The following ZW10 variants were observed in gnomAD, a reference collection of about 807,000 sequenced individuals.
ZW10 encodes the protein zw10 kinetochore protein, also known as centromere/kinetochore protein zw10 homolog.
A neutral mutation model predicts 87.8 loss-of-function variants in ZW10; 53 were observed. The ratio of observed to expected loss-of-function variants is 0.60; its 90% CI spans 0.48 to 0.76. ZW10 has a LOEUF of 0.76. ZW10 is among the 30% of genes least tolerant of loss of function. The pLI is 0.00. For synonymous variants in ZW10, 312 were observed against 329.2 expected, an observed-to-expected ratio of 0.95 and a Z score of 0.57; for missense variants, 837 against 923.0, an observed-to-expected ratio of 0.91 and a Z score of 1.21.
At chr11:113,747,777 T>G (rs1953696207) in intron 8 of ZW10, 64 bp from the exon 9 acceptor site, 2 of 1,346,952 alleles carry the variant, frequency 1.5e-6, no homozygotes, top group South Asian at 3.3e-5. Flanking sequence ...ATATTAGAAT[T>G]TCAAATCCAA....
In ZW10 at chr11:113,760,893, G is replaced by C; in HGVS notation, c.266C>G (p.Thr89Ser). 1 of 1,614,038 alleles carries C rather than the reference G, an allele frequency of 6.2e-7. No homozygotes were observed. The highest frequency in any genetic ancestry group is 8.5e-7 in the Non-Finnish European group (1 of 1,180,002). ...CTGCTTTAAGTCTGTAAATTCACCG[G>C]TTGATACGTGAAGATCCCGGCGGAC... ...SEVRRDLHVS[T>S]GEFTDLKQQL... The change falls in exon 3 of 16, where the codon ACC becomes AGC. Residue 89 changes from threonine to serine, a missense_variant. Coordinates refer to ENST00000200135, the MANE Select transcript of ZW10 (RefSeq NM_004724.4).
chr11:113,757,165 A>G (rs1055842622), intron 7 of ZW10, among the ~76,000 whole-genome samples: 6 of 152,166 alleles, frequency 3.9e-5, no homozygotes, highest in African/African-American at 1.4e-4. Flanking sequence ...TGGTACAACA[A>G]CCAAAAACAT....
intron 2 of ZW10, among the ~76,000 whole-genome samples, chr11:113,765,156 G>C (rs915997215): frequency 6.6e-6 from 1 of 152,222 alleles, no homozygotes; most frequent in South Asian, 2.1e-4. Context: ...AACATCAATA[G>C]TGACAAGGGT....
intron 9 of ZW10, among the ~76,000 whole-genome samples, chr11:113,746,723 T>C (rs1331775379): frequency 6.6e-6 from 1 of 152,194 alleles, no homozygotes; most frequent in Non-Finnish European, 1.5e-5. Flanking sequence ...GAATATTCCA[T>C]GCAGAGGTAA....
chr11:113,733,375 A>G lies in ZW10; in HGVS notation c.*319T>C, dbSNP rs907446835. 23 of 226,932 alleles carry G rather than the reference A, an allele frequency of 1.0e-4. No individual in the cohort carries two copies. The highest frequency in any genetic ancestry group is 6.4e-4 in the Admixed American group (12 of 18,610). The allele number at this position is 226,932 out of a possible 1,614,324, so 14.1% of individuals were successfully genotyped here. ...TCCTCGTTCCAAAGCTAGGGCCTGC[A>G]TTTACAATGTATATAGCTCCCAGAG... On this transcript the variant is annotated 3_prime_UTR_variant, in exon 16 of 16. Coordinates refer to ENST00000200135, the MANE Select transcript of ZW10 (RefSeq NM_004724.4).
chr11:113,746,708 G>C (rs77466658), intron 9 of ZW10, among the ~76,000 whole-genome samples: 1 of 152,042 alleles, frequency 6.6e-6, no homozygotes, highest in Admixed American at 6.5e-5. Context: ...TGTGATCTGC[G>C]GTAAGAATAT....
Position 113,736,820 on chromosome 11 carries a change from G to A in ZW10, c.2019C>T (p.Asp673=). 6.2e-7 allele frequency: 1 copy of A among 1,614,028 alleles called. No individual in the cohort carries two copies. The highest frequency in any genetic ancestry group is 2.2e-5 in the East Asian group (1 of 44,876). Residue 673 remains aspartate (D), a splice_region_variant and synonymous_variant, in exon 15 of 16, where the codon GAC becomes GAT. Coordinates refer to ENST00000200135, the MANE Select transcript of ZW10 (RefSeq NM_004724.4). ...EVIGKITALE[D]ISTEDGDRLY... ...ACCTATCACCATCTTCAGTAGATAT[G>A]TCCTGGTTTTGCACAGAGGAAACAC...
intron 15 of ZW10, among the ~76,000 whole-genome samples, chr11:113,734,834 A>G (rs1197769433): frequency 6.6e-6 from 1 of 152,038 alleles, no homozygotes; most frequent in Non-Finnish European, 1.5e-5. Flanking sequence ...TTTCAAAAAC[A>G]TAATAATAAT....
rs1953514975 is a variant in ZW10 at position 113,733,608 on chromosome 11, G to C, written c.*86C>G. ...ATGTACTGGTTCACCAAAACCAATG[G>C]GCGATTCAAAGAAGTCTTTAAGGGA... On this transcript the variant is annotated 3_prime_UTR_variant, in exon 16 of 16. Transcript: ENST00000200135. 1.3e-6 allele frequency: 2 copies of C among 1,582,442 alleles called. No individual in the cohort carries two copies. Among genetic ancestry groups the C allele is most frequent in the East Asian group, 2.2e-5 (1 of 44,684 alleles).
At chr11:113,760,739 T>C in intron 3 of ZW10, 78 bp downstream of exon 3, 1 of 1,127,048 alleles carries the variant, frequency 8.9e-7, no homozygotes, top group African/African-American at 1.7e-5. Flanking sequence ...AAAAAACCCA[T>C]TATAGTCAGG....
chr11:113,766,535 G>A (rs1369020276), intron 2 of ZW10, among the ~76,000 whole-genome samples: 1 of 151,266 alleles, frequency 6.6e-6, no homozygotes, highest in African/African-American at 2.4e-5. Flanking sequence ...TTAGCCAGGT[G>A]TGGTGGCGGG....
chr11:113,734,795 A>ACT (rs1424698637), intron 15 of ZW10, among the ~76,000 whole-genome samples: 1 of 132,036 alleles, frequency 7.6e-6, no homozygotes, highest in Non-Finnish European at 1.6e-5. Flanking sequence ...ACAGAGTGAG[A>ACT]CTCTGTCTCA....
At chr11:113,736,267 C>T (rs1321108528) in intron 15 of ZW10, among the ~76,000 whole-genome samples, 1 of 150,532 alleles carries the variant, frequency 6.6e-6, no homozygotes, top group Non-Finnish European at 1.5e-5. Flanking sequence ...AGAGTAAGAC[C>T]ATGTCTCAAA....
intron 10 of ZW10, among the ~76,000 whole-genome samples, chr11:113,742,029 A>G (rs1008425850): frequency 2.0e-5 from 3 of 152,220 alleles, no homozygotes; most frequent in Non-Finnish European, 4.4e-5. Context: ...CCTCTTTTCT[A>G]TTTATCAATT....
At chr11:113,747,283 A>T (rs1294011028) in intron 9 of ZW10, among the ~76,000 whole-genome samples, 1 of 152,184 alleles carries the variant, frequency 6.6e-6, no homozygotes, top group African/African-American at 2.4e-5. Flanking sequence ...AATCCATTAC[A>T]TGTATGTAGA....
At position 113,741,686 on chromosome 11, in the gene ZW10, G is replaced by A; in HGVS notation, c.1583+8C>T. 6.4e-7 allele frequency: 1 copy of A among 1,572,984 alleles called. No homozygotes were observed. The highest frequency in any genetic ancestry group is 8.7e-7 in the Non-Finnish European group (1 of 1,154,432). ...TATTATATAGAAATGAGATACAGTG[G>A]TACTTACTTGTGATATGTTGGTACA... On this transcript the variant is annotated splice_region_variant and intron_variant, in intron 11 of 15. Coordinates refer to ENST00000200135, the MANE Select transcript of ZW10 (RefSeq NM_004724.4).
intron 1 of ZW10, among the ~76,000 whole-genome samples, chr11:113,770,970 ATTT>A (rs71063523): frequency 3.4e-5 from 4 of 116,186 alleles, no homozygotes; most frequent in Non-Finnish European, 3.5e-5. Flanking sequence ...TGAGGATGCT[ATTT>A]TTTTTTTTTT....
intron 9 of ZW10, among the ~76,000 whole-genome samples, chr11:113,746,495 CA>C (rs566009326): frequency 0.24 from 24,878 of 105,280 alleles, 2,131 homozygotes; most frequent in African/African-American, 0.32. Context: ...ACAAAACAGT[CA>C]AAAAAAAAAA....
chr11:113,758,363 A>G (rs1953818675), intron 6 of ZW10, among the ~76,000 whole-genome samples, 191 bp downstream of exon 6: 1 of 86,642 alleles, frequency 1.2e-5, no homozygotes, highest in Admixed American at 1.6e-4. Flanking sequence ...AAAAAATAGG[A>G]ACAGTTGAAA....
Sources: allele counts gnomAD v4.1 joint callset (sites outside exome capture counted in the v4.1 genomes callset), GRCh38; gene constraint gnomAD v4.1.1; transcripts MANE v1.5; gene names NCBI Gene and HGNC (gene_info 2026-07-23, HGNC 2026-07-21).